The following TAFA1 variants were observed in gnomAD, a reference collection of about 807,000 sequenced individuals.
TAFA1 encodes TAFA chemokine like family member 1.
TAFA1 carries 4 observed loss-of-function variants against 18.5 expected under a neutral mutation model. That is an observed-to-expected ratio of 0.22 (90% confidence interval 0.11 to 0.49). TAFA1 has a LOEUF of 0.49. TAFA1 is among the 20% of genes least tolerant of loss of function. The pLI, the probability that TAFA1 is intolerant of heterozygous loss-of-function variation, is 0.98. For synonymous variants in TAFA1, 56 were observed against 55.2 expected (o/e 1.01, Z -0.06); for missense variants, 147 against 169.0 (o/e 0.87, Z 0.72).
chr3:68,500,703 T>C (rs1356807907), intron 3 of TAFA1, among the ~76,000 whole-genome samples: 2 of 57,034 alleles, frequency 3.5e-5, no homozygotes, highest in African/African-American at 1.2e-4. Flanking sequence ...TCTGGTCTTT[T>C]ATGGAAAAAA....
At chr3:68,381,003 C>T (rs1228753858) in intron 2 of TAFA1, among the ~76,000 whole-genome samples, 1 of 145,092 alleles carries the variant, frequency 6.9e-6, no homozygotes. Flanking sequence ...GCTAGTTTTC[C>T]CAGCACCATT....
chr3:68,436,889 G>C (rs1413300153), intron 3 of TAFA1, among the ~76,000 whole-genome samples: 1 of 152,146 alleles, frequency 6.6e-6, no homozygotes, highest in Non-Finnish European at 1.5e-5. Context: ...CTCCACTTCT[G>C]TTGTCCAGAT....
chr3:68,049,123 C>T (rs566458197), intron 2 of TAFA1, among the ~76,000 whole-genome samples: 1 of 152,234 alleles, frequency 6.6e-6, no homozygotes, highest in African/African-American at 2.4e-5. Context: ...CCAATCATAG[C>T]CTACAATGTA....
At chr3:68,366,030 A>G (rs1031615045) in intron 2 of TAFA1, among the ~76,000 whole-genome samples, 4 of 148,972 alleles carry the variant, frequency 2.7e-5, no homozygotes, top group South Asian at 2.2e-4. Context: ...AGGTTGCAGC[A>G]AGCCGAGATT....
intron 2 of TAFA1, among the ~76,000 whole-genome samples, chr3:68,064,663 C>T (rs937755150): frequency 6.6e-6 from 1 of 151,956 alleles, no homozygotes; most frequent in Non-Finnish European, 1.5e-5. Flanking sequence ...TTTATTGTAA[C>T]ATCACTTGTC....
At chr3:68,399,461 G>A (rs1297403849) in intron 2 of TAFA1, among the ~76,000 whole-genome samples, 1 of 151,982 alleles carries the variant, frequency 6.6e-6, no homozygotes, top group African/African-American at 2.4e-5. Context: ...TCAATTGCTA[G>A]GAATCAATGA....
intron 3 of TAFA1, among the ~76,000 whole-genome samples, chr3:68,522,052 G>T (rs758284380): frequency 2.6e-5 from 4 of 151,328 alleles, no homozygotes; most frequent in African/African-American, 4.9e-5. Context: ...TCGCTTTGTT[G>T]CTCAGGGTGG....
chr3:68,416,080 A>T (rs2070831888), intron 2 of TAFA1, among the ~76,000 whole-genome samples: 1 of 152,142 alleles, frequency 6.6e-6, no homozygotes, highest in Admixed American at 6.6e-5. Flanking sequence ...TGCTCCAACC[A>T]GTGATGACAA....
chr3:68,396,409 T>C (rs2070384768), intron 2 of TAFA1, among the ~76,000 whole-genome samples: 2 of 152,160 alleles, frequency 1.3e-5, no homozygotes, highest in African/African-American at 4.8e-5. Flanking sequence ...AGGTAGCTAC[T>C]GTCCCAACTT....
chr3:68,056,913 A>T (rs1457425554), intron 2 of TAFA1, among the ~76,000 whole-genome samples: 2 of 152,148 alleles, frequency 1.3e-5, no homozygotes, highest in Non-Finnish European at 2.9e-5. Flanking sequence ...AGCATTTGTT[A>T]CTGCTCACCC....
intron 3 of TAFA1, among the ~76,000 whole-genome samples, chr3:68,452,737 T>C (rs995538044): frequency 2.0e-5 from 3 of 152,168 alleles, no homozygotes; most frequent in Admixed American, 6.6e-5. Flanking sequence ...GTGAAATTGA[T>C]TGTAAATCAT....
At chr3:68,030,804 T>C (rs940096931) in intron 2 of TAFA1, among the ~76,000 whole-genome samples, 1 of 152,180 alleles carries the variant, frequency 6.6e-6, no homozygotes, top group African/African-American at 2.4e-5. Flanking sequence ...AAGCCATCTG[T>C]CTATCTCTCA....
At position 68,124,635 on chromosome 3, in the gene TAFA1, A is replaced by G. The variant is rs183665451; in HGVS notation, c.118+117891A>G. 1.7e-3 allele frequency among the ~76,000 whole-genome samples: 257 copies of G among 152,322 alleles called. 2 individuals are homozygous for G. The highest frequency in any genetic ancestry group is 5.9e-3 in the African/African-American group (245 of 41,578). ...TCCACAGTGTCTTAAACACTGTACT[A>G]TGGAATTTACAAATATTATCTAATT... On this transcript the variant is annotated intron_variant, in intron 2 of 4. Transcript: ENST00000478136.
At chr3:68,538,653 T>A (rs1258916134) in intron 3 of TAFA1, 103 bp from the exon 4 acceptor site, 1 of 1,148,162 alleles carries the variant, frequency 8.7e-7, no homozygotes, top group Non-Finnish European at 1.3e-6. Flanking sequence ...TAAAGAGAAC[T>A]TAGTGTGCTT....
At chr3:68,127,560 A>G in intron 2 of TAFA1, among the ~76,000 whole-genome samples, 1 of 9,788 alleles carries the variant, frequency 1.0e-4, no homozygotes, top group African/African-American at 3.8e-4. Context: ...GGTGACAGTG[A>G]TCATGATGGT....
chr3:68,039,026 A>G (rs1185545841), intron 2 of TAFA1, among the ~76,000 whole-genome samples: 1 of 152,158 alleles, frequency 6.6e-6, no homozygotes, highest in East Asian at 1.9e-4. Flanking sequence ...TCTCTAGTAC[A>G]CTATAAACTC....
chr3:68,028,168 C>T (rs1413190565), intron 2 of TAFA1, among the ~76,000 whole-genome samples: 1 of 152,050 alleles, frequency 6.6e-6, no homozygotes, highest in Non-Finnish European at 1.5e-5. Context: ...GGTGTGGTGG[C>T]ACATGCCTGT....
chr3:68,028,877 C>T (rs1416165599), intron 2 of TAFA1, among the ~76,000 whole-genome samples: 3 of 152,018 alleles, frequency 2.0e-5, no homozygotes, highest in Non-Finnish European at 4.4e-5. Flanking sequence ...CCACAGCCTC[C>T]TGAGTAGCTG....
intron 2 of TAFA1, among the ~76,000 whole-genome samples, chr3:68,304,333 G>T (rs529676612): frequency 6.6e-6 from 1 of 150,560 alleles, no homozygotes; most frequent in African/African-American, 2.4e-5. Flanking sequence ...AGTACAGTGA[G>T]AAATCTTCTT....
Sources: gnomAD v4.1 joint callset for allele counts (sites outside exome capture counted in the v4.1 genomes callset) on GRCh38, gnomAD v4.1.1 for gene constraint, MANE v1.5 for transcripts, NCBI Gene and HGNC (gene_info 2026-07-23, HGNC 2026-07-21) for gene names.